Variants in LRRTM4 observed in about 807,000 individuals in gnomAD.
LRRTM4 encodes the protein leucine rich repeat transmembrane neuronal 4.
Under a neutral mutation model 47.6 loss-of-function variants are expected in LRRTM4, and 25 were observed. The ratio of observed to expected loss-of-function variants is 0.53; its 90% CI spans 0.38 to 0.73. The LOEUF (loss-of-function observed/expected upper bound fraction) is 0.73. Among genes scored for constraint, LRRTM4 ranks in the 30% least tolerant of loss-of-function variants. The pLI is 0.00. For missense variants in LRRTM4, 638 were observed against 713.4 expected, an observed-to-expected ratio of 0.89 and a Z score of 1.20; for synonymous variants, 311 against 269.5, an observed-to-expected ratio of 1.15 and a Z score of -1.51.
chr2:76,831,243 T>C (rs1349327639), intron 3 of LRRTM4, among the ~76,000 whole-genome samples: 1 of 152,156 alleles, frequency 6.6e-6, no homozygotes, highest in Non-Finnish European at 1.5e-5. Context: ...CAAACATGTA[T>C]AGTGAATATA....
At chr2:77,029,022 G>A (rs914264088) in intron 3 of LRRTM4, among the ~76,000 whole-genome samples, 17 of 146,012 alleles carry the variant, frequency 1.2e-4, no homozygotes, top group South Asian at 6.5e-4. Flanking sequence ...GTGACAAAGC[G>A]AGAGTCCATC....
intron 3 of LRRTM4, among the ~76,000 whole-genome samples, chr2:76,826,286 A>C (rs1231109459): frequency 6.6e-6 from 1 of 151,664 alleles, no homozygotes; most frequent in Non-Finnish European, 1.5e-5. Flanking sequence ...GAAGTAGCTT[A>C]ATAGAGTAGG....
At chr2:77,086,815 C>A (rs537290566) in intron 3 of LRRTM4, among the ~76,000 whole-genome samples, 1 of 152,080 alleles carries the variant, frequency 6.6e-6, no homozygotes, top group South Asian at 2.1e-4. Flanking sequence ...AATTTTAAAA[C>A]CTGCTTGGTA....
At chr2:77,022,664 T>C (rs1337370081) in intron 3 of LRRTM4, among the ~76,000 whole-genome samples, 1 of 152,142 alleles carries the variant, frequency 6.6e-6, no homozygotes, top group Non-Finnish European at 1.5e-5. Context: ...GGCAATCAAA[T>C]ATTAAAGGTC....
At chr2:77,079,700 G>T (rs959835340) in intron 3 of LRRTM4, among the ~76,000 whole-genome samples, 10 of 152,030 alleles carry the variant, frequency 6.6e-5, no homozygotes, top group African/African-American at 2.4e-4. Flanking sequence ...TCTGATTCCT[G>T]ATCTTCCTGT....
chr2:77,376,235 T>C (rs1672835669), intron 3 of LRRTM4, among the ~76,000 whole-genome samples: 1 of 151,784 alleles, frequency 6.6e-6, no homozygotes, highest in African/African-American at 2.4e-5. Context: ...AGAATAGTTT[T>C]GGATTTACAA....
chr2:77,054,924 G>A (rs768833489), intron 3 of LRRTM4, among the ~76,000 whole-genome samples: 12 of 152,170 alleles, frequency 7.9e-5, no homozygotes, highest in Non-Finnish European at 1.5e-4. Context: ...TTATTCATTT[G>A]CAACCTTTTC....
intron 3 of LRRTM4, among the ~76,000 whole-genome samples, chr2:76,968,383 TACAC>T (rs1553437948): frequency 9.0e-6 from 1 of 111,408 alleles, no homozygotes. Flanking sequence ...TATATATATA[TACAC>T]ATACATACAT....
chr2:77,287,138 C>T (rs145139509), intron 3 of LRRTM4, among the ~76,000 whole-genome samples: 19 of 152,040 alleles, frequency 1.2e-4, no homozygotes, highest in South Asian at 4.1e-4. Context: ...GGTTACACAA[C>T]GCAGCATCTC....
intron 3 of LRRTM4, among the ~76,000 whole-genome samples, chr2:76,781,050 G>A: frequency 6.6e-6 from 1 of 151,710 alleles, no homozygotes; most frequent in Admixed American, 6.6e-5. Context: ...GTGCTTGGGG[G>A]TGCCTCCCAG....
intron 3 of LRRTM4, among the ~76,000 whole-genome samples, chr2:77,049,157 T>TATACACACACAC (rs1351971551): frequency 3.8e-5 from 4 of 106,350 alleles, no homozygotes; most frequent in African/African-American, 2.0e-4. Context: ...TATATATATA[T>TATACACACACAC]ACACACACAC....
chr2:77,055,018 A>G (rs1679555943), intron 3 of LRRTM4, among the ~76,000 whole-genome samples: 1 of 152,182 alleles, frequency 6.6e-6, no homozygotes, highest in Non-Finnish European at 1.5e-5. Flanking sequence ...CTCCAATGGC[A>G]AGGCTGAGCC....
chr2:77,159,810 C>G (rs1672661357), intron 3 of LRRTM4, among the ~76,000 whole-genome samples: 1 of 152,054 alleles, frequency 6.6e-6, no homozygotes, highest in African/African-American at 2.4e-5. Flanking sequence ...TAAAATTTCT[C>G]TAAAAATGTT....
intron 3 of LRRTM4, among the ~76,000 whole-genome samples, chr2:76,897,716 T>C (rs1479388398): frequency 1.3e-5 from 2 of 152,188 alleles, no homozygotes; most frequent in Non-Finnish European, 2.9e-5. Flanking sequence ...GGCTGGGCTA[T>C]GACATTTCAA....
chr2:77,259,935 C>T (rs6758104), intron 3 of LRRTM4, among the ~76,000 whole-genome samples: 18,701 of 151,926 alleles, frequency 0.12, 3,865 homozygotes, highest in African/African-American at 0.42. Flanking sequence ...GTCTCTTCAA[C>T]TGATTGTTGT....
chr2:77,197,255 C>G (rs1321270509), intron 3 of LRRTM4, among the ~76,000 whole-genome samples: 1 of 151,994 alleles, frequency 6.6e-6, no homozygotes, highest in South Asian at 2.1e-4. Context: ...AATAAGTGTG[C>G]TCCTGGAAAA....
At chr2:77,146,574 GA>G (rs1323176462) in intron 3 of LRRTM4, among the ~76,000 whole-genome samples, 1 of 152,062 alleles carries the variant, frequency 6.6e-6, no homozygotes, top group African/African-American at 2.4e-5. Flanking sequence ...TTTAAGCCGG[GA>G]ATAACTAGAA....
chr2:76,940,380 G>A (rs535311071), intron 3 of LRRTM4, among the ~76,000 whole-genome samples: 4 of 152,182 alleles, frequency 2.6e-5, no homozygotes, highest in South Asian at 2.1e-4. Context: ...GCAAACTGAC[G>A]CAGGAACAGA....
intron 3 of LRRTM4, among the ~76,000 whole-genome samples, chr2:77,114,106 G>A (rs1282631033): frequency 6.6e-6 from 1 of 152,066 alleles, no homozygotes; most frequent in Non-Finnish European, 1.5e-5. Flanking sequence ...TGAGGAAGAG[G>A]TAGAGGGTCT....
Sources: allele counts gnomAD v4.1 joint callset (sites outside exome capture counted in the v4.1 genomes callset), GRCh38; gene constraint gnomAD v4.1.1; transcripts MANE v1.5; gene names NCBI Gene and HGNC (gene_info 2026-07-23, HGNC 2026-07-21).